ROBO1: variants seen among roughly 807,000 people sequenced by gnomAD.
The protein encoded by ROBO1 is roundabout guidance receptor 1.
ROBO1 carries 149 observed loss-of-function variants against 195.9 expected under a neutral mutation model. The observed-to-expected ratio is 0.76, with a 90% CI of 0.67 to 0.87. The LOEUF is 0.87. Among genes scored for constraint, ROBO1 ranks in the 40% least tolerant of loss-of-function variants. The pLI, the probability that ROBO1 is intolerant of heterozygous loss-of-function variation, is 0.00. For synonymous variants in ROBO1, 816 were observed against 733.2 expected, an observed-to-expected ratio of 1.11 and a Z score of -1.82; for missense variants, 1,933 against 2,068.3, an observed-to-expected ratio of 0.93 and a Z score of 1.27.
intron 4 of ROBO1, among the ~76,000 whole-genome samples, chr3:78,924,397 T>C (rs1328675193): frequency 6.6e-6 from 1 of 152,178 alleles, no homozygotes; most frequent in African/African-American, 2.4e-5. Flanking sequence ...ACAGTCATTG[T>C]AGCATTTCAG....
rs182070682 is a variant in ROBO1, at chr3:78,986,600, T to G, written c.173-47673A>C. 1.9e-4 allele frequency among the ~76,000 whole-genome samples: 29 copies of G among 152,238 alleles called. No individual in the cohort carries two copies. The East Asian group carries it at 4.3e-3, about 22-fold the overall frequency. ...ATTGAACGAACAGAAAATGTTTCCTTCTCCATCTGGTGCACAAACTCTGCT... is the reference window on the plus strand; with the variant it reads ...ATTGAACGAACAGAAAATGTTTCCTGCTCCATCTGGTGCACAAACTCTGCT... On this transcript the variant is annotated intron_variant, in intron 3 of 30. Transcript: ENST00000464233.
intron 4 of ROBO1, among the ~76,000 whole-genome samples, chr3:78,830,304 C>G (rs1414072834): frequency 6.6e-6 from 1 of 152,118 alleles, no homozygotes; most frequent in Non-Finnish European, 1.5e-5. Flanking sequence ...CATCACTGAC[C>G]ATATTACTTC....
At chr3:79,062,782 T>C (rs1325020707) in intron 3 of ROBO1, among the ~76,000 whole-genome samples, 2 of 151,902 alleles carry the variant, frequency 1.3e-5, no homozygotes, top group Non-Finnish European at 2.9e-5. Context: ...AATTGAACAA[T>C]GAGAACACAT....
In ROBO1 at chr3:79,728,138, C is replaced by A. The variant is rs1043423727; in HGVS notation, c.-51+39614G>T. On this transcript the variant is annotated intron_variant, in intron 1 of 30. Coordinates refer to ENST00000464233, the MANE Select transcript of ROBO1 (RefSeq NM_002941.4). Reference sequence around the variant, plus strand: ...TTTATTTGTATATTTAGATATATCCCCCCCCCCACAGGAAATTTTTTTTAG... The same window carrying A: ...TTTATTTGTATATTTAGATATATCCACCCCCCCACAGGAAATTTTTTTTAG... Among the ~76,000 whole-genome samples, 352 of 36,588 alleles carry A rather than the reference C, an allele frequency of 9.6e-3. 3 individuals are homozygous for A. The highest frequency in any genetic ancestry group is 0.033 in the African/African-American group (301 of 9,060). The allele number at this position is 36,588 out of a possible 152,430, so 24.0% of individuals were successfully genotyped here. A position where few individuals can be genotyped will look rare whatever the true frequency, so the allele number is the denominator to read the frequency against.
At chr3:79,353,400 A>AACACACAC (rs10608740) in intron 2 of ROBO1, among the ~76,000 whole-genome samples, 1 of 148,124 alleles carries the variant, frequency 6.8e-6, no homozygotes, top group Non-Finnish European at 1.5e-5. Context: ...CACAGAAACA[A>AACACACAC]ACACACACAC....
chr3:78,697,615 T>A (rs1375641441), intron 8 of ROBO1, among the ~76,000 whole-genome samples: 1 of 152,186 alleles, frequency 6.6e-6, no homozygotes, highest in Non-Finnish European at 1.5e-5. Flanking sequence ...TTGCCAACTA[T>A]GATGTCTCTA....
At chr3:79,438,860 A>G (rs2038967984) in intron 2 of ROBO1, among the ~76,000 whole-genome samples, 1 of 152,002 alleles carries the variant, frequency 6.6e-6, no homozygotes, top group South Asian at 2.1e-4. Flanking sequence ...GTGAAAAATC[A>G]TGCTTCAAAT....
At chr3:79,232,824 T>C (rs1013536243) in intron 2 of ROBO1, among the ~76,000 whole-genome samples, 1 of 152,142 alleles carries the variant, frequency 6.6e-6, no homozygotes, top group African/African-American at 2.4e-5. Context: ...TTCATTCTTT[T>C]GTAAAAAGTT....
intron 2 of ROBO1, among the ~76,000 whole-genome samples, chr3:79,330,828 C>T (rs2034412582): frequency 6.6e-6 from 1 of 152,164 alleles, no homozygotes; most frequent in Non-Finnish European, 1.5e-5. Context: ...ATTTCTTTCT[C>T]TCACTAGCTG....
chr3:79,641,874 C>T (rs1945673704), intron 1 of ROBO1, among the ~76,000 whole-genome samples: 1 of 151,914 alleles, frequency 6.6e-6, no homozygotes, highest in Admixed American at 6.6e-5. Flanking sequence ...CAAAACTTAG[C>T]CAGGCATGAG....
intron 1 of ROBO1, among the ~76,000 whole-genome samples, chr3:79,664,781 T>G (rs1946428131): frequency 6.6e-6 from 1 of 151,852 alleles, no homozygotes; most frequent in African/African-American, 2.4e-5. Context: ...CTACCATAAA[T>G]TTTCCGTGGA....
chr3:79,119,762 T>C (rs2080081236), intron 3 of ROBO1, among the ~76,000 whole-genome samples: 1 of 149,106 alleles, frequency 6.7e-6, no homozygotes, highest in East Asian at 1.9e-4. Context: ...AGATGAGTGA[T>C]TCATGGATTT....
chr3:79,762,043 T>G (rs1576331838), intron 1 of ROBO1, among the ~76,000 whole-genome samples: 1 of 152,188 alleles, frequency 6.6e-6, no homozygotes, highest in Admixed American at 6.5e-5. Flanking sequence ...GTTTGAGACA[T>G]ACTGCTTCAC....
intron 7 of ROBO1, among the ~76,000 whole-genome samples, chr3:78,716,773 G>A (rs1166826567): frequency 6.6e-6 from 1 of 152,076 alleles, no homozygotes; most frequent in African/African-American, 2.4e-5. Context: ...TTATTTGAAT[G>A]GCACATTCCC....
intron 2 of ROBO1, among the ~76,000 whole-genome samples, chr3:79,181,228 C>A (rs1206321378): frequency 6.6e-6 from 1 of 152,150 alleles, no homozygotes; most frequent in East Asian, 1.9e-4. Flanking sequence ...TCTGTGTGAA[C>A]CCACATCAGA....
intron 2 of ROBO1, among the ~76,000 whole-genome samples, chr3:79,261,221 A>G (rs2082932648): frequency 6.6e-6 from 1 of 152,064 alleles, no homozygotes; most frequent in Non-Finnish European, 1.5e-5. Context: ...CCTAAAGGAA[A>G]CAGTGTGAAT....
At chr3:79,346,922 G>A (rs2035141719) in intron 2 of ROBO1, among the ~76,000 whole-genome samples, 1 of 151,724 alleles carries the variant, frequency 6.6e-6, no homozygotes, top group Admixed American at 6.6e-5. Flanking sequence ...CTTTATTTCT[G>A]TACTATGATA....
intron 2 of ROBO1, among the ~76,000 whole-genome samples, chr3:79,365,727 C>G (rs936136160): frequency 2.6e-5 from 4 of 152,018 alleles, no homozygotes; most frequent in Non-Finnish European, 5.9e-5. Flanking sequence ...GAAACCCCGT[C>G]TCTACTAAAA....
At chr3:78,638,149 AATGT>A (rs201082142) in intron 22 of ROBO1, among the ~76,000 whole-genome samples, 5,037 of 151,818 alleles carry the variant, frequency 0.033, 279 homozygotes, top group African/African-American at 0.12. Flanking sequence ...ATAGAAAATA[AATGT>A]ATGCATGCAC....
Sources: allele counts gnomAD v4.1 joint callset (sites outside exome capture counted in the v4.1 genomes callset), GRCh38; gene constraint gnomAD v4.1.1; transcripts MANE v1.5; gene names NCBI Gene and HGNC (gene_info 2026-07-23, HGNC 2026-07-21).